FAM20C: variants seen among roughly 807,000 people sequenced by gnomAD.
FAM20C encodes the protein FAM20C golgi associated secretory pathway kinase.
A neutral mutation model predicts 51.5 loss-of-function variants in FAM20C; 40 were observed. The ratio of observed to expected loss-of-function variants is 0.78; its 90% CI spans 0.60 to 1.01. The LOEUF is 1.01. Ranked by LOEUF, FAM20C falls within the 50% of genes least tolerant of loss-of-function variation. FAM20C has a pLI of 0.00. For missense variants in FAM20C, 861 were observed against 844.7 expected (o/e 1.02, Z -0.24); for synonymous variants, 406 against 380.6 (o/e 1.07, Z -0.78).
At chr7:247,058 C>T (rs149299430) in intron 4 of FAM20C, among the ~76,000 whole-genome samples, 2,254 of 152,250 alleles carry the variant, frequency 0.015, 59 homozygotes, top group African/African-American at 0.052. Flanking sequence ...TTAAGTGCTG[C>T]GAATCTTAAC....
intron 5 of FAM20C, among the ~76,000 whole-genome samples, chr7:249,131 C>T (rs1330116776): frequency 6.6e-6 from 1 of 152,256 alleles, no homozygotes; most frequent in African/African-American, 2.4e-5. Context: ...GAAGCCTTCT[C>T]CAGGTGGCCC....
intron 3 of FAM20C, among the ~76,000 whole-genome samples, chr7:216,728 C>T (rs1380626965): frequency 2.3e-5 from 3 of 131,904 alleles, no homozygotes; most frequent in Admixed American, 1.6e-4. Context: ...TGTGTGTGTC[C>T]GTCTACGTCT....
At chr7:244,443 G>A (rs913712143) in intron 3 of FAM20C, among the ~76,000 whole-genome samples, 24 of 152,218 alleles carry the variant, frequency 1.6e-4, no homozygotes, top group African/African-American at 5.8e-4. Context: ...GACCTTTAGT[G>A]TTTTAGAAAA....
intron 5 of FAM20C, among the ~76,000 whole-genome samples, chr7:252,834 T>A (rs1292633465): frequency 1.3e-5 from 2 of 152,186 alleles, no homozygotes; most frequent in African/African-American, 4.8e-5. Context: ...AGCCCACATC[T>A]TCTAAGCCCC....
chr7:253,078 G>A (rs1270281968), intron 5 of FAM20C, among the ~76,000 whole-genome samples: 1 of 152,194 alleles, frequency 6.6e-6, no homozygotes, highest in Non-Finnish European at 1.5e-5. Flanking sequence ...CGGTGGCCTG[G>A]GCTGGGCAGG....
intron 3 of FAM20C, among the ~76,000 whole-genome samples, chr7:223,146 G>A (rs776674862): frequency 1.3e-5 from 2 of 152,144 alleles, no homozygotes; most frequent in African/African-American, 2.4e-5. Context: ...ATGAAGGGCA[G>A]ATGGGACCAG....
chr7:193,851 C>G (rs1264526841), intron 1 of FAM20C, 47 bp downstream of exon 1: 1 of 1,538,666 alleles, frequency 6.5e-7, no homozygotes, highest in African/African-American at 1.4e-5. Context: ...GCCGTGAGCC[C>G]AAGGCATGGT....
Position 246,406 on chromosome 7 carries a change from T to A in FAM20C, c.864-9T>A. ...ACAAACCGTTTCTGTTTCTGTCTTGTTTTCTCAGACAAACGAGGGAGCAGG... is the reference window on the plus strand; with the variant it reads ...ACAAACCGTTTCTGTTTCTGTCTTGATTTCTCAGACAAACGAGGGAGCAGG... On this transcript the variant is annotated splice_polypyrimidine_tract_variant and intron_variant, in intron 3 of 9. Transcript: ENST00000313766. The A allele has an allele frequency of 7.2e-7, 1 of 1,390,548 alleles. No homozygotes were observed. The highest frequency in any genetic ancestry group is 9.4e-7 in the Non-Finnish European group (1 of 1,065,014). 86.1% of individuals were successfully genotyped at this position (1,390,548 alleles called of 1,614,324 possible).
At chr7:216,723 G>GTGTC (rs1453934045) in intron 3 of FAM20C, among the ~76,000 whole-genome samples, 1 of 151,664 alleles carries the variant, frequency 6.6e-6, no homozygotes, top group Admixed American at 6.6e-5. Flanking sequence ...GTGTGTGTGT[G>GTGTC]TGTCCGTCTA....
intron 8 of FAM20C, among the ~76,000 whole-genome samples, chr7:257,704 C>T (rs375556368): frequency 6.6e-6 from 1 of 152,120 alleles, no homozygotes; most frequent in Non-Finnish European, 1.5e-5. Flanking sequence ...GGCCAGGACC[C>T]CACATACAGG....
At chr7:214,013 G>T (rs1457256264) in intron 3 of FAM20C, among the ~76,000 whole-genome samples, 1 of 152,170 alleles carries the variant, frequency 6.6e-6, no homozygotes, top group Non-Finnish European at 1.5e-5. Flanking sequence ...TGGGGTATTT[G>T]TCTTTTTGTT....
chr7:210,114 A>G (rs2115069092), intron 3 of FAM20C, among the ~76,000 whole-genome samples: 1 of 152,350 alleles, frequency 6.6e-6, no homozygotes, highest in East Asian at 1.9e-4. Context: ...CACCAAAATT[A>G]CACGGAGGCC....
At chr7:205,646 G>C (rs183831793) in intron 2 of FAM20C, among the ~76,000 whole-genome samples, 10 of 152,176 alleles carry the variant, frequency 6.6e-5, no homozygotes, top group Non-Finnish European at 1.5e-4. Context: ...GCCCGTCGAC[G>C]GTTTCTGTGG....
intron 5 of FAM20C, 79 bp from the exon 6 acceptor site, chr7:255,770 C>G: frequency 6.7e-7 from 1 of 1,486,480 alleles, no homozygotes; most frequent in South Asian, 1.2e-5. Context: ...GAGCCCGGCC[C>G]GGCCTTGGGG....
At chr7:204,777 G>C (rs1197035218) in intron 2 of FAM20C, among the ~76,000 whole-genome samples, 1 of 152,196 alleles carries the variant, frequency 6.6e-6, no homozygotes, top group Non-Finnish European at 1.5e-5. Context: ...TCTGTGCTCA[G>C]GGAGGGAATG....
intron 6 of FAM20C, 182 bp downstream of exon 6, chr7:256,211 C>T: frequency 1.3e-6 from 1 of 792,746 alleles, no homozygotes; most frequent in Non-Finnish European, 1.9e-6. Flanking sequence ...GGCGTCCTTA[C>T]TCCAGTATTT....
chr7:204,402 G>A (rs146752639), intron 2 of FAM20C, among the ~76,000 whole-genome samples: 55 of 152,356 alleles, frequency 3.6e-4, no homozygotes, highest in Non-Finnish European at 6.2e-4. Flanking sequence ...ACCTGACTGC[G>A]CAGTGGTCCA....
chr7:248,202 T>C (rs1788245260), intron 4 of FAM20C, 113 bp from the exon 5 acceptor site: 1 of 705,068 alleles, frequency 1.4e-6, no homozygotes, highest in Non-Finnish European at 2.3e-6. Flanking sequence ...AGAGGCCCGC[T>C]GAGCCGCACA....
intron 6 of FAM20C, 24 bp from the exon 7 acceptor site, chr7:256,630 C>T (rs1224201847): frequency 2.6e-6 from 4 of 1,526,634 alleles, no homozygotes; most frequent in Non-Finnish European, 3.5e-6. Context: ...CCTGGGCCCC[C>T]CGTCTCACGC....
Sources: allele counts gnomAD v4.1 joint callset (sites outside exome capture counted in the v4.1 genomes callset), GRCh38; gene constraint gnomAD v4.1.1; transcripts MANE v1.5; gene names NCBI Gene and HGNC (gene_info 2026-07-23, HGNC 2026-07-21).